The following GOLGA2 variants were observed in gnomAD, a reference collection of about 807,000 sequenced individuals.
The protein encoded by GOLGA2 is golgin A2.
In GOLGA2, 49 loss-of-function variants were observed where a neutral mutation model predicts 148.8. The observed-to-expected ratio is 0.33, with a 90% CI of 0.26 to 0.42. The LOEUF is 0.42. GOLGA2 is among the 10% of genes least tolerant of loss of function. The pLI is 1.00. For synonymous variants in GOLGA2, 501 were observed against 511.8 expected, an observed-to-expected ratio of 0.98 and a Z score of 0.28; for missense variants, 1,178 against 1,304.6, an observed-to-expected ratio of 0.90 and a Z score of 1.49.
intron 7 of GOLGA2, 38 bp from the exon 8 acceptor site, chr9:128,267,312 TGGGGGGAGAGGTAGAGA>T (rs1200422850): frequency 6.8e-7 from 1 of 1,472,710 alleles, no homozygotes; most frequent in Non-Finnish European, 9.5e-7. Context: ...GGAGGAGGAT[TGGGGGGAGAGGTAGAGA>T]GAGCAATCAT....
intron 1 of GOLGA2, chr9:128,275,241 G>T: frequency 1.7e-6 from 1 of 596,468 alleles, no homozygotes; most frequent in Non-Finnish European, 2.8e-6. Context: ...GGAAATTTAT[G>T]CTGTGACCAG....
At chr9:128,275,553 C>G in intron 1 of GOLGA2, 1 of 1,221,580 alleles carries the variant, frequency 8.2e-7, no homozygotes, top group Middle Eastern at 2.6e-4. Context: ...AAGTCACTGG[C>G]GAGGGCAGGG....
rs1829873053 is a variant in GOLGA2, at chr9:128,256,535, G to C, written c.*532C>G. The C allele has an allele frequency of 6.8e-6, 1 of 147,892 alleles. No individual in the cohort carries two copies. Among genetic ancestry groups the C allele is most frequent in the Non-Finnish European group, 1.5e-5 (1 of 67,556 alleles). 9.2% of individuals were successfully genotyped at this position (147,892 alleles called of 1,614,324 possible). On this transcript the variant is annotated 3_prime_UTR_variant, in exon 27 of 27. Transcript: ENST00000611957. ...CATAATTTTTTTTTTTTTTGAGACA[G>C]AGTCTCACTCTGTCGCCCAGGCTGG...
chr9:128,272,496 A>G (rs973172794), intron 3 of GOLGA2, among the ~76,000 whole-genome samples: 3 of 152,060 alleles, frequency 2.0e-5, no homozygotes, highest in African/African-American at 4.8e-5. Flanking sequence ...AAAAGAAGAA[A>G]AAAAAAAGCC....
chr9:128,260,842 A>C lies in GOLGA2; in HGVS notation c.1421-40T>G. 21 of 1,389,304 alleles carry C rather than the reference A, an allele frequency of 1.5e-5. No homozygotes were observed. Among genetic ancestry groups the C allele is most frequent in the Non-Finnish European group, 2.1e-5 (21 of 1,013,972 alleles). 86.1% of individuals were successfully genotyped at this position (1,389,304 alleles called of 1,614,324 possible). A position where few individuals can be genotyped will look rare whatever the true frequency, so the allele number is the denominator to read the frequency against. Reference sequence around the variant, plus strand: ...AGACAATAAAAGCCTCTGGATTCTCAAAAAAACCCTCCTCTTGGTCCATAC... The same window carrying C: ...AGACAATAAAAGCCTCTGGATTCTCCAAAAAACCCTCCTCTTGGTCCATAC... On this transcript the variant is annotated intron_variant, in intron 17 of 26. Coordinates refer to ENST00000611957, the MANE Select transcript of GOLGA2 (RefSeq NM_001366244.2). This position sits in a 1 kb window ranked among gnomAD's most constrained non-coding sequence, Gnocchi z 4.8.
rs775850583 is a variant in GOLGA2 at position 128,260,558 on chromosome 9, C to G, written c.1665G>C (p.Met555Ile). 5.6e-6 allele frequency: 9 copies of G among 1,612,862 alleles called. No individual in the cohort carries two copies. Among genetic ancestry groups the G allele is most frequent in the Non-Finnish European group, 7.6e-6 (9 of 1,180,012 alleles). ...GGCTGATGGTAGTGCGGTCGTTCTG[C>G]ATGGTCTCCAGGATTTGCCTGCGCG... ...AEARRQILET[M>I]QNDRTTISRA... Residue 555 changes from methionine to isoleucine, a missense_variant, in exon 18 of 27, where the codon ATG (methionine) becomes ATC (isoleucine). Around this residue, in one of 5 missense-constraint regions of GOLGA2, gnomAD observed 529 missense variants for 521.8 expected, o/e 1.01. Coordinates refer to ENST00000611957, the MANE Select transcript of GOLGA2 (RefSeq NM_001366244.2). This position sits in a 1 kb window ranked among gnomAD's most constrained non-coding sequence, Gnocchi z 4.8.
chr9:128,259,305 A>C lies in GOLGA2; in HGVS notation c.1959T>G (p.Tyr653Ter). ...LGHLQQYVAA[Y>*]QQLTSEKEVL... Reference sequence around the variant, plus strand: ...CCTCCTTCTCAGAGGTCAGCTGCTGATAGGCGGCCACATACTGCTGCAGGT... The same window carrying C: ...CCTCCTTCTCAGAGGTCAGCTGCTGCTAGGCGGCCACATACTGCTGCAGGT... The change falls in exon 20 of 27, where the codon TAT becomes TAG. Residue 653 changes from tyrosine (Y) to a stop codon, truncating the protein, a stop_gained. Transcript: ENST00000611957. LOFTEE classifies it high-confidence loss of function. The C allele has an allele frequency of 6.2e-7, 1 of 1,611,550 alleles. No homozygotes were observed. The highest frequency in any genetic ancestry group is 8.5e-7 in the Non-Finnish European group (1 of 1,179,440).
intron 1 of GOLGA2, 48 bp downstream of exon 1, chr9:128,275,845 G>T: frequency 1.0e-6 from 1 of 979,872 alleles, no homozygotes; most frequent in Non-Finnish European, 1.6e-6. Context: ...CCTGCCATCG[G>T]AGTGGGGCTG....
chr9:128,268,187 GTCAT>G (rs746716794), intron 4 of GOLGA2, 27 bp from the exon 5 acceptor site: 2 of 1,599,432 alleles, frequency 1.3e-6, no homozygotes, highest in East Asian at 4.5e-5. Flanking sequence ...GTGTGAGATG[GTCAT>G]TCAATTTCTG....
rs548485793 is a variant in GOLGA2 at position 128,265,994 on chromosome 9, C to T, written c.708G>A (p.Gln236=). The T allele has an allele frequency of 5.9e-4, 954 of 1,613,672 alleles. 11 individuals are homozygous for T. In the South Asian group the frequency reaches 9.9e-3, roughly 17 times the overall value. The change falls in exon 10 of 27, where the codon CAG becomes CAA. Residue 236 remains glutamine, a synonymous_variant. Transcript: ENST00000611957. Reference sequence around the variant, plus strand: ...CCTGTAACTGCTCCCTTAGGGCTCCCTGCTTTTGGTGGCATTCTTTCTTTT... The same window carrying T: ...CCTGTAACTGCTCCCTTAGGGCTCCTTGCTTTTGGTGGCATTCTTTCTTTT... The part of the protein sequence containing the change: ...EEEKKECHQK[Q]GALREQLQVH...
At position 128,257,493 on chromosome 9, in the gene GOLGA2, T is replaced by G. The variant is rs151093077; in HGVS notation, c.2751A>C (p.Leu917Phe). ...VKLLELQELV[L>F]RLVGDRNEWH... Reference sequence around the variant, plus strand: ...ACTCGTTGCGGTCGCCCACAAGCCGTAAGACCAGCTCCTGCAGCTCCAGCA... The same window carrying G: ...ACTCGTTGCGGTCGCCCACAAGCCGGAAGACCAGCTCCTGCAGCTCCAGCA... Residue 917 changes from leucine (L) to phenylalanine (F), a missense_variant, in exon 26 of 27, where the codon TTA (leucine) becomes TTC (phenylalanine). Leu to Phe is a conservative substitution (Grantham distance 22, BLOSUM62 0). This residue lies in a region of GOLGA2 where 38 missense variants were observed against 67.3 expected (regional missense o/e 0.56). Coordinates refer to ENST00000611957, the MANE Select transcript of GOLGA2 (RefSeq NM_001366244.2). This position sits in a 1 kb window ranked among gnomAD's most constrained non-coding sequence, Gnocchi z 8.0. The G allele has an allele frequency of 6.2e-7, 1 of 1,613,732 alleles. No homozygotes were observed. The highest frequency in any genetic ancestry group is 8.5e-7 in the Non-Finnish European group (1 of 1,180,004).
In GOLGA2 at chr9:128,265,607, G is replaced by A. The variant is rs200883287; in HGVS notation, c.911C>T (p.Thr304Met). 6.7e-5 allele frequency: 108 copies of A among 1,611,988 alleles called. No homozygotes were observed. Among genetic ancestry groups the A allele is most frequent in the Admixed American group, 1.0e-4 (6 of 60,002 alleles). ...CACCCTGTCTGCCTTCTTCTGCTGC[G>A]TGGAGACAGCAGAGAGAGCCCGCTC... ...ELERALSAVS[T>M]QQKKADRYNK... The change falls in exon 12 of 27, where the codon ACG (threonine) becomes ATG (methionine). Residue 304 changes from threonine (T) to methionine (M), a missense_variant. By Grantham distance (81) the Thr-to-Met change is moderately conservative. Coordinates refer to ENST00000611957, the MANE Select transcript of GOLGA2 (RefSeq NM_001366244.2).
At chr9:128,267,695 C>A (rs562198238) in intron 6 of GOLGA2, among the ~76,000 whole-genome samples, 178 bp from the exon 7 acceptor site, 1 of 152,170 alleles carries the variant, frequency 6.6e-6, no homozygotes, top group Non-Finnish European at 1.5e-5. Flanking sequence ...CCTTTCCTCC[C>A]GAGCAGCTCT....
intron 1 of GOLGA2, chr9:128,275,256 A>C: frequency 1.6e-6 from 1 of 607,166 alleles, no homozygotes; most frequent in Non-Finnish European, 2.7e-6. Context: ...GACCAGAGGA[A>C]CCAGAAGCGG....
intron 2 of GOLGA2, among the ~76,000 whole-genome samples, 162 bp from the exon 3 acceptor site, chr9:128,273,027 G>T (rs1212759301): frequency 6.6e-6 from 1 of 152,200 alleles, no homozygotes; most frequent in Non-Finnish European, 1.5e-5. Flanking sequence ...CCTTCCAAAT[G>T]GCCACCTGCT....
chr9:128,272,118 T>A (rs369861265), intron 3 of GOLGA2, among the ~76,000 whole-genome samples: 2 of 150,206 alleles, frequency 1.3e-5, no homozygotes, highest in African/African-American at 4.9e-5. Context: ...GGTCTGTTGG[T>A]TTTTTTGTGT....
Position 128,265,703 on chromosome 9 carries a change from G to A in GOLGA2, c.827-12C>T. ...ATCTTCAGACTCTCCTGGAATGAGA[G>A]AGGTTGAGATGGGGCCCAAAGGACT... On this transcript the variant is annotated splice_polypyrimidine_tract_variant and intron_variant, in intron 11 of 26. Coordinates refer to ENST00000611957, the MANE Select transcript of GOLGA2 (RefSeq NM_001366244.2). The A allele has an allele frequency of 6.2e-7, 1 of 1,613,120 alleles. No individual in the cohort carries two copies. Among genetic ancestry groups the A allele is most frequent in the South Asian group, 1.1e-5 (1 of 91,054 alleles).
At chr9:128,268,942 G>A (rs1830768964) in intron 3 of GOLGA2, among the ~76,000 whole-genome samples, 1 of 152,114 alleles carries the variant, frequency 6.6e-6, no homozygotes, top group South Asian at 2.1e-4. Flanking sequence ...TGGTGATGAG[G>A]AAGTAGTTGT....
rs759522002 is a variant in GOLGA2 at position 128,260,099 on chromosome 9, TCTC to T, written c.1846_1848del (p.Glu616del). ...ACCGTTTCCTTCAGCTCGCTCAGCT[TCTC>T]CTGCAGCTCGCCCAGCTTCTTTCCC... On this transcript the variant is annotated inframe_deletion, in exon 19 of 27. Coordinates refer to ENST00000611957, the MANE Select transcript of GOLGA2 (RefSeq NM_001366244.2). The surrounding 1 kb of genome is among the most constrained non-coding windows in gnomAD (Gnocchi z 4.8). 6.2e-7 allele frequency: 1 copy of T among 1,610,482 alleles called. No homozygotes were observed. Among genetic ancestry groups the T allele is most frequent in the Non-Finnish European group, 8.5e-7 (1 of 1,179,464 alleles).
Sources: gnomAD v4.1 joint callset for allele counts (sites outside exome capture counted in the v4.1 genomes callset) on GRCh38, gnomAD v4.1.1 for gene constraint, gnomAD v4.1.1 regional missense constraint, Gnocchi (gnomAD v3.1) non-coding constraint, MANE v1.5 for transcripts, NCBI Gene and HGNC (gene_info 2026-07-23, HGNC 2026-07-21) for gene names.